Variants in LRIG1 observed in about 807,000 individuals in gnomAD.
The protein encoded by LRIG1 is leucine-rich repeats and immunoglobulin-like domains protein 1.
LRIG1 carries 48 observed loss-of-function variants against 99.2 expected under a neutral mutation model. That is an observed-to-expected ratio of 0.48 (90% CI 0.38 to 0.62). The LOEUF (loss-of-function observed/expected upper bound fraction) is 0.62. Ranked by LOEUF, LRIG1 falls within the 20% of genes least tolerant of loss-of-function variation. The probability of loss-of-function intolerance (pLI) is 0.00; values close to 1 mark genes in which losing one functional copy is unlikely to be tolerated. For missense variants in LRIG1, 1,646 were observed against 1,434.4 expected, an observed-to-expected ratio of 1.15 and a Z score of -2.38; for synonymous variants, 772 against 596.1, an observed-to-expected ratio of 1.29 and a Z score of -4.30.
At chr3:66,434,155 A>G (rs946710362) in intron 3 of LRIG1, among the ~76,000 whole-genome samples, 15 of 152,252 alleles carry the variant, frequency 9.9e-5, no homozygotes, top group African/African-American at 3.6e-4. Context: ...GACAAGCTAC[A>G]GATTGAGAGA....
chr3:66,433,716 T>C (rs1575687817), intron 3 of LRIG1, among the ~76,000 whole-genome samples: 1 of 152,234 alleles, frequency 6.6e-6, no homozygotes, highest in East Asian at 1.9e-4. Context: ...AGGATGGGTA[T>C]GGGTGGGATT....
chr3:66,490,530 GT>G, intron 1 of LRIG1, among the ~76,000 whole-genome samples: 1 of 152,096 alleles, frequency 6.6e-6, no homozygotes, highest in East Asian at 1.9e-4. Context: ...ATGATGCTGG[GT>G]CAAGGTACCA....
intron 1 of LRIG1, among the ~76,000 whole-genome samples, chr3:66,490,164 C>CT (rs1701070391): frequency 6.6e-6 from 1 of 152,210 alleles, no homozygotes; most frequent in Admixed American, 6.5e-5. Context: ...TAAGGCCAAA[C>CT]CACCCAAAGC....
intron 1 of LRIG1, among the ~76,000 whole-genome samples, chr3:66,479,834 T>C (rs1021896985): frequency 5.3e-5 from 8 of 152,224 alleles, no homozygotes; most frequent in African/African-American, 1.9e-4. Flanking sequence ...GGAACCTTCA[T>C]ACCCTGCTGG....
chr3:66,384,897 A>G (rs910951312), intron 13 of LRIG1, among the ~76,000 whole-genome samples: 9 of 152,146 alleles, frequency 5.9e-5, no homozygotes, highest in Non-Finnish European at 1.2e-4. Flanking sequence ...GTCAACGTCA[A>G]TTTTGGGGAG....
chr3:66,429,073 C>A (rs1246455627), intron 3 of LRIG1, among the ~76,000 whole-genome samples: 1 of 152,216 alleles, frequency 6.6e-6, no homozygotes, highest in East Asian at 1.9e-4. Context: ...GCTGTGTCAA[C>A]CAACCTCCCA....
At chr3:66,446,430 G>C (rs970485683) in intron 3 of LRIG1, among the ~76,000 whole-genome samples, 2 of 124,468 alleles carry the variant, frequency 1.6e-5, no homozygotes, top group African/African-American at 6.1e-5. Flanking sequence ...TTTTGAGAAA[G>C]AGTTTGTTCT....
rs988396607 is a variant in LRIG1 at position 66,380,330 on chromosome 3, G to T, written c.3215C>A (p.Ser1072Tyr). Residue 1072 changes from serine (S) to tyrosine (Y), a missense_variant, in exon 19 of 19, where the codon TCC (serine) becomes TAC (tyrosine). Transcript: ENST00000273261. The part of the protein sequence containing the change: ...LPKACDASPE[S>Y]TPLTGQLPGK... ...GGGGAGCTGTCCTGTCAGTGGCGTG[G>T]ACTCGGGACTGGCGTCACATGCTTT... 6.2e-7 allele frequency: 1 copy of T among 1,614,198 alleles called. No individual in the cohort carries two copies. Among genetic ancestry groups the T allele is most frequent in the African/African-American group, 1.3e-5 (1 of 75,044 alleles).
At chr3:66,401,399 G>A (rs971663342) in intron 9 of LRIG1, among the ~76,000 whole-genome samples, 1 of 152,168 alleles carries the variant, frequency 6.6e-6, no homozygotes, top group African/African-American at 2.4e-5. Context: ...CAGTAAAAAC[G>A]CATTGAACTG....
chr3:66,412,578 G>T (rs1009513443), intron 6 of LRIG1, among the ~76,000 whole-genome samples: 5 of 152,340 alleles, frequency 3.3e-5, no homozygotes, highest in African/African-American at 4.8e-5. Flanking sequence ...AGCTGCAAAG[G>T]GAAGGGGGCT....
chr3:66,451,187 G>A (rs1703892113), intron 3 of LRIG1, among the ~76,000 whole-genome samples: 1 of 151,934 alleles, frequency 6.6e-6, no homozygotes, highest in African/African-American at 2.4e-5. Context: ...CCAATTCACT[G>A]GCACAAAGAT....
intron 1 of LRIG1, among the ~76,000 whole-genome samples, chr3:66,475,141 C>T (rs1013683768): frequency 2.6e-5 from 4 of 152,216 alleles, no homozygotes; most frequent in Non-Finnish European, 5.9e-5. Context: ...CTTAGCCTAA[C>T]ACTTGCTATA....
chr3:66,439,639 G>A (rs1703477743), intron 3 of LRIG1, among the ~76,000 whole-genome samples: 1 of 151,848 alleles, frequency 6.6e-6, no homozygotes, highest in Non-Finnish European at 1.5e-5. Flanking sequence ...CTTAGAATAA[G>A]TCAGTTTTGC....
intron 2 of LRIG1, among the ~76,000 whole-genome samples, chr3:66,452,729 T>C (rs1423079348): frequency 8.5e-5 from 13 of 152,128 alleles, no homozygotes; most frequent in Admixed American, 4.6e-4. Context: ...TGCCATCTTT[T>C]ATAGAAGTGA....
intron 9 of LRIG1, among the ~76,000 whole-genome samples, chr3:66,402,408 A>ATTCT (rs138413614): frequency 6.6e-6 from 1 of 151,750 alleles, no homozygotes; most frequent in Admixed American, 6.6e-5. Context: ...AGTGTGAGGA[A>ATTCT]CTCTCCAACA....
chr3:66,384,133 G>A lies in LRIG1; in HGVS notation c.1929C>T (p.Ala643=), dbSNP rs367993980. The change falls in exon 14 of 19, where the codon GCC becomes GCT. Residue 643 remains alanine (A), a synonymous_variant. Coordinates refer to ENST00000273261, the MANE Select transcript of LRIG1 (RefSeq NM_015541.3). The part of the protein sequence containing the change: ...QKDGGTDFPA[A]RERRMHVMPD... ...GCATGACATGCATGCGTCGCTCACG[G>A]GCAGCGGGGAAATCCGTGCCTCCAT... The A allele has an allele frequency of 2.8e-5, 45 of 1,614,024 alleles. No homozygotes were observed. Among genetic ancestry groups the A allele is most frequent in the Non-Finnish European group, 3.7e-5 (44 of 1,180,034 alleles).
At chr3:66,398,946 G>C in intron 10 of LRIG1, 24 bp downstream of exon 10, 1 of 1,609,806 alleles carries the variant, frequency 6.2e-7, no homozygotes, top group Non-Finnish European at 8.5e-7. Flanking sequence ...CTGTGCCTCA[G>C]GGCAGGGCTG....
At chr3:66,487,238 AC>A (rs1340576660) in intron 1 of LRIG1, among the ~76,000 whole-genome samples, 7 of 152,374 alleles carry the variant, frequency 4.6e-5, no homozygotes, top group Middle Eastern at 3.4e-3. Context: ...GAGGGGCCAC[AC>A]TGCAAGAAGC....
chr3:66,443,248 G>A (rs1703602416), intron 3 of LRIG1, among the ~76,000 whole-genome samples: 2 of 150,392 alleles, frequency 1.3e-5, no homozygotes, highest in African/African-American at 4.9e-5. Context: ...GCGGCCTGCT[G>A]GCTCTTCATA....
Sources: gnomAD v4.1 joint callset for allele counts (sites outside exome capture counted in the v4.1 genomes callset) on GRCh38, gnomAD v4.1.1 for gene constraint, MANE v1.5 for transcripts, NCBI Gene and HGNC (gene_info 2026-07-23, HGNC 2026-07-21) for gene names.